CENPP: variants seen among roughly 807,000 people sequenced by gnomAD.
CENPP encodes the protein centromere protein P.
Under a neutral mutation model 35.6 loss-of-function variants are expected in CENPP, and 24 were observed. That is an observed-to-expected ratio of 0.67 (90% CI 0.49 to 0.95). The LOEUF is 0.95. CENPP is among the 40% of genes least tolerant of loss of function. The pLI is 0.00. For missense variants in CENPP, 332 were observed against 345.3 expected (o/e 0.96, Z 0.31); for synonymous variants, 120 against 125.5 (o/e 0.96, Z 0.29).
chr9:92,560,395 A>G (rs1447932525), intron 5 of CENPP, among the ~76,000 whole-genome samples: 2 of 152,096 alleles, frequency 1.3e-5, no homozygotes, highest in African/African-American at 2.4e-5. Context: ...TTGGGTATGA[A>G]CCCGTACCTC....
rs144230525 is a variant in CENPP at position 92,518,960 on chromosome 9, T to C, written c.565-92354T>C. 3.3e-3 allele frequency among the ~76,000 whole-genome samples: 509 copies of C among 152,316 alleles called. 1 individual carries two copies. The highest frequency in any genetic ancestry group is 0.011 in the African/African-American group (467 of 41,574). On this transcript the variant is annotated intron_variant, in intron 5 of 7. Transcript: ENST00000375587. ...ATTTCCCTACATACAAGATTGTAGA[T>C]ATGTGGATAAGTGTATCAGCTAAGC...
At chr9:92,441,665 A>G (rs926471590) in intron 5 of CENPP, among the ~76,000 whole-genome samples, 1 of 152,192 alleles carries the variant, frequency 6.6e-6, no homozygotes. Flanking sequence ...AGGCTGAGGC[A>G]CGAGAGTCAC....
At chr9:92,562,208 T>C (rs1339177780) in intron 5 of CENPP, among the ~76,000 whole-genome samples, 10 of 117,690 alleles carry the variant, frequency 8.5e-5, no homozygotes, top group African/African-American at 1.2e-4. Flanking sequence ...TTTTCTTTTC[T>C]TTTTTTTTTT....
chr9:92,438,968 A>G (rs902362027), intron 5 of CENPP, among the ~76,000 whole-genome samples: 3 of 152,216 alleles, frequency 2.0e-5, no homozygotes, highest in Admixed American at 6.5e-5. Flanking sequence ...CAATCGGTCA[A>G]TCAATAAACT....
intron 5 of CENPP, among the ~76,000 whole-genome samples, chr9:92,468,916 A>G (rs941016918): frequency 2.6e-5 from 4 of 152,220 alleles, no homozygotes; most frequent in Admixed American, 6.5e-5. Context: ...AGTATGGACT[A>G]AGTCCCTGGA....
chr9:92,559,903 G>A (rs1263279977), intron 5 of CENPP, among the ~76,000 whole-genome samples: 1 of 152,200 alleles, frequency 6.6e-6, no homozygotes, highest in East Asian at 1.9e-4. Context: ...AATGGCTTAT[G>A]CCTGTAATCC....
chr9:92,508,732 A>G (rs1847157488), intron 5 of CENPP, among the ~76,000 whole-genome samples: 1 of 152,128 alleles, frequency 6.6e-6, no homozygotes, highest in Non-Finnish European at 1.5e-5. Flanking sequence ...AGATTTGGCA[A>G]TTCTCATTAT....
intron 5 of CENPP, among the ~76,000 whole-genome samples, chr9:92,538,730 C>G (rs1849247199): frequency 6.6e-6 from 1 of 152,138 alleles, no homozygotes; most frequent in Non-Finnish European, 1.5e-5. Flanking sequence ...TTTATTATTG[C>G]AGACATGATT....
intron 4 of CENPP, among the ~76,000 whole-genome samples, chr9:92,371,747 T>C (rs1355669336): frequency 2.6e-5 from 4 of 152,132 alleles, no homozygotes; most frequent in Non-Finnish European, 5.9e-5. Flanking sequence ...TCTCTTTATA[T>C]TTGGTAATAT....
At chr9:92,521,516 G>A (rs1848068469) in intron 5 of CENPP, among the ~76,000 whole-genome samples, 1 of 152,128 alleles carries the variant, frequency 6.6e-6, no homozygotes, top group African/African-American at 2.4e-5. Flanking sequence ...GCATTTAGCT[G>A]TATTGAGACA....
intron 5 of CENPP, among the ~76,000 whole-genome samples, chr9:92,493,265 A>T (rs2131125599): frequency 6.6e-6 from 1 of 152,344 alleles, no homozygotes; most frequent in South Asian, 2.1e-4. Flanking sequence ...GAAACCCCTA[A>T]TGAACCCTGT....
Position 92,541,464 on chromosome 9 carries a change from G to A in CENPP, c.565-69850G>A, listed in dbSNP as rs1355617338. 3.3e-4 allele frequency among the ~76,000 whole-genome samples: 34 copies of A among 101,900 alleles called. 1 individual carries two copies. The Middle Eastern group carries it at 0.028, about 84-fold the overall frequency. The allele number at this position is 101,900 out of a possible 152,430, so 66.9% of individuals were successfully genotyped here. On this transcript the variant is annotated intron_variant, in intron 5 of 7. Transcript: ENST00000375587. Reference sequence around the variant, plus strand: ...ACACCCCCACCCTCCTGGTTCAAGCGATTCCCCTGCCTCAGCCTCCCGAGT... The same window carrying A: ...ACACCCCCACCCTCCTGGTTCAAGCAATTCCCCTGCCTCAGCCTCCCGAGT...
chr9:92,606,878 G>C (rs751460196), intron 5 of CENPP, among the ~76,000 whole-genome samples: 2 of 152,134 alleles, frequency 1.3e-5, no homozygotes. Context: ...CAGGCGAATC[G>C]CTTGAATCCA....
chr9:92,565,812 G>C (rs1281404947), intron 5 of CENPP, among the ~76,000 whole-genome samples: 1 of 152,068 alleles, frequency 6.6e-6, no homozygotes, highest in Non-Finnish European at 1.5e-5. Context: ...GAAAGGTATT[G>C]GTCAAAATAC....
At chr9:92,433,212 G>A (rs915870854) in intron 5 of CENPP, among the ~76,000 whole-genome samples, 27 of 152,184 alleles carry the variant, frequency 1.8e-4, no homozygotes. Flanking sequence ...GTTAAAGAGA[G>A]CAAGAGGGAG....
intron 5 of CENPP, among the ~76,000 whole-genome samples, chr9:92,499,268 G>T (rs1372959990): frequency 4.6e-5 from 7 of 152,094 alleles, no homozygotes; most frequent in African/African-American, 1.4e-4. Flanking sequence ...AAACATTCAG[G>T]CTCCAACTTC....
intron 5 of CENPP, chr9:92,414,344 T>G (rs1367588741): frequency 5.0e-6 from 1 of 198,046 alleles, no homozygotes; most frequent in Non-Finnish European, 1.0e-5. Context: ...CAAAGAGGCC[T>G]TTCTATGGTT....
chr9:92,453,699 A>G (rs1414669875), intron 5 of CENPP, among the ~76,000 whole-genome samples: 1 of 152,216 alleles, frequency 6.6e-6, no homozygotes, highest in Non-Finnish European at 1.5e-5. Flanking sequence ...GAAAGTTAAC[A>G]AGGATACCCA....
intron 4 of CENPP, among the ~76,000 whole-genome samples, chr9:92,359,298 A>C (rs1299784397): frequency 6.6e-6 from 1 of 152,064 alleles, no homozygotes; most frequent in Admixed American, 6.6e-5. Context: ...ATTGTTGTTG[A>C]AAAGGGCTCA....
Sources: gnomAD v4.1 joint callset for allele counts (sites outside exome capture counted in the v4.1 genomes callset) on GRCh38, gnomAD v4.1.1 for gene constraint, MANE v1.5 for transcripts, NCBI Gene and HGNC (gene_info 2026-07-23, HGNC 2026-07-21) for gene names.